Variants in CPNE1 observed in about 807,000 individuals in gnomAD.
The protein encoded by CPNE1 is copine-1.
A neutral mutation model predicts 63.2 loss-of-function variants in CPNE1; 58 were observed. That is an observed-to-expected ratio of 0.92 (90% CI 0.74 to 1.14). The LOEUF (loss-of-function observed/expected upper bound fraction) is 1.14. Ranked by LOEUF, CPNE1 falls within the 50% of genes most tolerant of loss-of-function variation. The pLI is 0.00. For missense variants in CPNE1, 672 were observed against 661.7 expected (o/e 1.02, Z -0.17); for synonymous variants, 237 against 249.0 (o/e 0.95, Z 0.45).
intron 1 of CPNE1, among the ~76,000 whole-genome samples, chr20:35,646,396 T>C (rs1241866865): frequency 4.0e-5 from 6 of 150,328 alleles, no homozygotes; most frequent in Non-Finnish European, 8.9e-5. Context: ...AAGGCTTTTT[T>C]TTTTTTTTTT....
intron 1 of CPNE1, among the ~76,000 whole-genome samples, chr20:35,646,652 T>C (rs2033121214): frequency 6.6e-6 from 1 of 152,090 alleles, no homozygotes; most frequent in Non-Finnish European, 1.5e-5. Flanking sequence ...GCAGGTTTAC[T>C]ATATAAGCAA....
chr20:35,657,927 T>C (rs1201390877), intron 1 of CPNE1, among the ~76,000 whole-genome samples: 2 of 152,092 alleles, frequency 1.3e-5, no homozygotes, highest in African/African-American at 4.8e-5. Flanking sequence ...CTGGGCATGG[T>C]GGCAGGTGCC....
At chr20:35,654,616 G>T (rs1251360033) in intron 1 of CPNE1, 1 of 1,614,198 alleles carries the variant, frequency 6.2e-7, no homozygotes, top group Admixed American at 1.7e-5. Context: ...TGGCAGTGGG[G>T]TCATGGGTGG....
intron 14 of CPNE1, among the ~76,000 whole-genome samples, chr20:35,627,037 A>C (rs533592490): frequency 6.6e-6 from 1 of 151,750 alleles, no homozygotes; most frequent in East Asian, 1.9e-4. Context: ...AAAATATAAA[A>C]ATTAGCTGGG....
rs1336205972 is a variant in CPNE1, at chr20:35,631,265, C to T, written c.801+3G>A. The T allele has an allele frequency of 6.2e-7, 1 of 1,614,098 alleles. No homozygotes were observed. Reference sequence around the variant, plus strand: ...GCCTTGGTTACATGGGCTTTTGTCTCACCCGACAAATCTTGACACGGATAG... The same window carrying T: ...GCCTTGGTTACATGGGCTTTTGTCTTACCCGACAAATCTTGACACGGATAG... On this transcript the variant is annotated splice_donor_region_variant and intron_variant, in intron 9 of 15. Coordinates refer to ENST00000397443, the MANE Select transcript of CPNE1 (RefSeq NM_152925.3).
chr20:35,656,193 A>C (rs987228727), intron 1 of CPNE1, among the ~76,000 whole-genome samples: 11 of 152,156 alleles, frequency 7.2e-5, no homozygotes, highest in Non-Finnish European at 1.0e-4. Flanking sequence ...TTTTTAAAGT[A>C]TTATTTTCCC....
chr20:35,629,121 A>G (rs1400049995), intron 13 of CPNE1, among the ~76,000 whole-genome samples: 1 of 152,218 alleles, frequency 6.6e-6, no homozygotes, highest in Non-Finnish European at 1.5e-5. Context: ...GTATACATGT[A>G]TGAGAAAAGA....
chr20:35,641,118 A>T (rs1217417790), intron 1 of CPNE1, among the ~76,000 whole-genome samples: 1 of 152,246 alleles, frequency 6.6e-6, no homozygotes, highest in Non-Finnish European at 1.5e-5. Flanking sequence ...TAAGAAAGGC[A>T]TACTCATTCC....
intron 12 of CPNE1, 107 bp from the exon 13 acceptor site, chr20:35,630,597 C>A: frequency 6.9e-7 from 1 of 1,448,808 alleles, no homozygotes; most frequent in Non-Finnish European, 9.7e-7. Flanking sequence ...GAGTCCTGAG[C>A]ACTTGCTGTC....
intron 1 of CPNE1, chr20:35,654,081 G>A: frequency 2.5e-6 from 4 of 1,614,162 alleles, no homozygotes; most frequent in Non-Finnish European, 2.5e-6. Context: ...TCTGCCCACT[G>A]GGCGATTTTG....
At position 35,652,773 on chromosome 20, in the gene CPNE1, A is replaced by C. The variant is rs775868881; in HGVS notation, c.-1+11987T>G. 3 of 1,612,084 alleles carry C rather than the reference A, an allele frequency of 1.9e-6. No homozygotes were observed. The South Asian group carries it at 3.3e-5, about 18-fold the overall frequency. The stretch of plus-strand genomic sequence containing the variant: ...TAATTACTGTCGGTCCTGGTTTTCC[A>C]GAACTAGATGCAAAGCCAGGGGGAC... On this transcript the variant is annotated intron_variant, in intron 1 of 15. Transcript: ENST00000397443.
intron 3 of CPNE1, 48 bp from the exon 4 acceptor site, chr20:35,632,433 G>A: frequency 1.2e-6 from 2 of 1,603,894 alleles, no homozygotes; most frequent in Non-Finnish European, 1.7e-6. Flanking sequence ...GCAGGGTTAG[G>A]TCCTGCTTGC....
intron 1 of CPNE1, among the ~76,000 whole-genome samples, chr20:35,646,418 C>G (rs1317428176): frequency 2.8e-4 from 35 of 126,222 alleles, no homozygotes; most frequent in Middle Eastern, 5.0e-3. Context: ...GAGACAGGGT[C>G]TTGCTATGTT....
At chr20:35,638,063 A>G (rs1371835258) in intron 1 of CPNE1, among the ~76,000 whole-genome samples, 2 of 152,232 alleles carry the variant, frequency 1.3e-5, no homozygotes, top group African/African-American at 2.4e-5. Context: ...AAGCCACACC[A>G]TAATTTTTAC....
chr20:35,647,300 G>A (rs747677318), intron 1 of CPNE1: 3 of 130,562 alleles, frequency 2.3e-5, no homozygotes, highest in South Asian at 5.4e-4. Context: ...GGGGACAAGC[G>A]TGAGACTTTG....
chr20:35,630,251 C>A (rs77120309), intron 13 of CPNE1, among the ~76,000 whole-genome samples, 188 bp downstream of exon 13: 1 of 152,048 alleles, frequency 6.6e-6, no homozygotes, highest in Admixed American at 6.5e-5. Flanking sequence ...GCTAAGATTG[C>A]GCCACCGCAC....
chr20:35,650,360 A>T (rs2146335105), intron 1 of CPNE1: 1 of 152,532 alleles, frequency 6.6e-6, no homozygotes, highest in South Asian at 2.1e-4. Context: ...GAATGTACGA[A>T]CATATAACCA....
chr20:35,647,588 C>T (rs1472540641), intron 1 of CPNE1, among the ~76,000 whole-genome samples: 1 of 152,004 alleles, frequency 6.6e-6, no homozygotes, highest in East Asian at 1.9e-4. Context: ...GTGGCTTTTT[C>T]CTCCTTCTGG....
At chr20:35,646,829 T>C (rs2033132187) in intron 1 of CPNE1, among the ~76,000 whole-genome samples, 1 of 152,120 alleles carries the variant, frequency 6.6e-6, no homozygotes, top group African/African-American at 2.4e-5. Context: ...AACGAAATAG[T>C]CATCTCCTAT....
Sources: allele counts gnomAD v4.1 joint callset (sites outside exome capture counted in the v4.1 genomes callset), GRCh38; gene constraint gnomAD v4.1.1; transcripts MANE v1.5; gene names NCBI Gene and HGNC (gene_info 2026-07-23, HGNC 2026-07-21).